The following SCART1 variants were observed in gnomAD, a reference collection of about 807,000 sequenced individuals.
SCART1 encodes scavenger receptor family member expressed on T cells 1.
A neutral mutation model predicts 36.2 loss-of-function variants in SCART1; 62 were observed. The observed-to-expected ratio is 1.71, with a 90% CI of 1.40 to 2.12. The LOEUF (loss-of-function observed/expected upper bound fraction) is 2.12. SCART1 is among the 30% of genes most tolerant of loss of function. SCART1 has a pLI of 0.00. For synonymous variants in SCART1, 487 were observed against 238.7 expected, an observed-to-expected ratio of 2.04 and a Z score of -9.59; for missense variants, 1,041 against 540.5, an observed-to-expected ratio of 1.93 and a Z score of -9.18.
At chr10:133,460,431 G>C (rs1199937615) in intron 6 of SCART1, among the ~76,000 whole-genome samples, 4 of 147,470 alleles carry the variant, frequency 2.7e-5, no homozygotes, top group South Asian at 2.1e-4. Flanking sequence ...ATTTTCCGCC[G>C]TAACCAGCTC....
At chr10:133,459,842 C>G (rs1209146311) in exon 6 of SCART1, 10 of 565,964 alleles carry the variant, frequency 1.8e-5, no homozygotes, top group Non-Finnish European at 3.1e-5. Context: ...CCCGTCGCCA[C>G]GGGATCCCGG....
intron 3 of SCART1, 163 bp from the exon 4 acceptor site, chr10:133,458,197 G>A (rs1383915875): frequency 1.4e-6 from 1 of 700,356 alleles, no homozygotes; most frequent in Non-Finnish European, 2.6e-6. Flanking sequence ...CTGGGTGCCG[G>A]GTGGAAGGGC....
chr10:133,455,119 T>C (rs900139376), intron 1 of SCART1, among the ~76,000 whole-genome samples: 1 of 151,792 alleles, frequency 6.6e-6, no homozygotes, highest in Non-Finnish European at 1.5e-5. Context: ...ATACAAAAAT[T>C]AGCCAGTCGT....
chr10:133,467,320 G>A (rs573865230), exon 11 of SCART1: 36 of 702,836 alleles, frequency 5.1e-5, no homozygotes, highest in Non-Finnish European at 8.6e-5. Flanking sequence ...TGAGGAGGAC[G>A]GAAGTGTGGT....
chr10:133,469,269 T>G (rs2265177), downstream of SCART1: 112,721 of 152,034 alleles, frequency 0.74, 43,719 homozygotes, highest in South Asian at 0.89. Flanking sequence ...CCTTGTAGAT[T>G]CTGGACATTA....
rs1392772088 is a variant in SCART1 at position 133,457,681 on chromosome 10, CT to C, written c.682+107del. ...TGGGCGTTCCCACGGATGGGCCCCC[CT>C]GTCCTGCATGAGACATTGGGCGCAG... On this transcript the variant is annotated intron_variant, in intron 3 of 11. Coordinates refer to ENST00000640237, the Ensembl canonical transcript of SCART1. The C allele has an allele frequency of 1.5e-5, 9 of 589,812 alleles. No individual in the cohort carries two copies. The East Asian group carries it at 1.8e-4, about 12-fold the overall frequency. 36.5% of individuals were successfully genotyped at this position (589,812 alleles called of 1,614,324 possible). A position where few individuals can be genotyped will look rare whatever the true frequency, so the allele number is the denominator to read the frequency against.
chr10:133,460,992 T>C (rs1048069989), intron 6 of SCART1, among the ~76,000 whole-genome samples: 4 of 152,152 alleles, frequency 2.6e-5, no homozygotes, highest in African/African-American at 9.7e-5. Context: ...TGCCTCAGCC[T>C]CCCAAAGTGT....
At chr10:133,466,204 C>A (rs1375282939) in intron 9 of SCART1, 31 bp from the exon 10 acceptor site, 1 of 697,102 alleles carries the variant, frequency 1.4e-6, no homozygotes, top group Non-Finnish European at 2.6e-6. Flanking sequence ...CCCCCCACCA[C>A]CCAGCTGGCT....
chr10:133,463,421 G>A (rs1161954594), intron 6 of SCART1, among the ~76,000 whole-genome samples: 1 of 151,246 alleles, frequency 6.6e-6, no homozygotes, highest in Non-Finnish European at 1.5e-5. Flanking sequence ...ATCCTGCACA[G>A]TTGTGTACCC....
At chr10:133,461,641 G>A (rs1247667663) in intron 6 of SCART1, among the ~76,000 whole-genome samples, 5 of 152,256 alleles carry the variant, frequency 3.3e-5, no homozygotes, top group East Asian at 1.9e-4. Flanking sequence ...GTCCTTTGGT[G>A]TATTATTTCG....
intron 6 of SCART1, among the ~76,000 whole-genome samples, chr10:133,462,177 G>A (rs561583343): frequency 3.3e-4 from 50 of 152,342 alleles, no homozygotes; most frequent in Non-Finnish European, 5.3e-4. Flanking sequence ...CAGGCAGGCC[G>A]TGGAGCCCTG....
chr10:133,469,639 G>A (rs1030056946), downstream of SCART1, among the ~76,000 whole-genome samples: 6 of 152,056 alleles, frequency 3.9e-5, no homozygotes, highest in Non-Finnish European at 8.8e-5. Context: ...AAACACCTAA[G>A]GTAGATGACG....
chr10:133,464,826 T>G (rs1003658538), exon 7 of SCART1: 1 of 702,610 alleles, frequency 1.4e-6, no homozygotes, highest in African/African-American at 1.7e-5. Flanking sequence ...GTGGACAACA[T>G]CGAGTGCCGC....
Position 133,466,220 on chromosome 10 carries a change from C to T in SCART1, c.2660-15C>T. ...CCCCCACCACCCAGCTGGCTCAAGA[C>T]CTCTCCTTTCTCAGAGCCTGGCCCA... On this transcript the variant is annotated splice_polypyrimidine_tract_variant and intron_variant, in intron 9 of 11. Coordinates refer to ENST00000640237, the Ensembl canonical transcript of SCART1. The T allele has an allele frequency of 1.4e-6, 1 of 700,706 alleles. No homozygotes were observed. The highest frequency in any genetic ancestry group is 2.6e-6 in the Non-Finnish European group (1 of 384,050). The allele number at this position is 700,706 out of a possible 1,614,324, so 43.4% of individuals were successfully genotyped here.
chr10:133,454,150 C>T lies in SCART1; in HGVS notation c.67+86C>T, dbSNP rs565567120. 9.7e-4 allele frequency: 677 copies of T among 697,746 alleles called. 6 individuals carry two copies. The African/African-American group carries it at 9.8e-3, about 10-fold the overall frequency. The allele number at this position is 697,746 out of a possible 1,614,324, so 43.2% of individuals were successfully genotyped here. A position where few individuals can be genotyped will look rare whatever the true frequency, so the allele number is the denominator to read the frequency against. ...AGGCCCCGGGGCATGAGGGTCCCTG[C>T]AGTGACCTGCCGTCTGCCTGGGTCT... On this transcript the variant is annotated intron_variant, in intron 1 of 11. Coordinates refer to ENST00000640237, the Ensembl canonical transcript of SCART1.
chr10:133,460,512 T>TATATTTATTTAA (rs1270712278), intron 6 of SCART1, among the ~76,000 whole-genome samples: 1 of 114,158 alleles, frequency 8.8e-6, no homozygotes, highest in African/African-American at 3.6e-5. Context: ...AAAAATATTT[T>TATATTTATTTAA]ATATTTATTT....
chr10:133,460,529 T>TTATTTAAA (rs1391422140), intron 6 of SCART1, among the ~76,000 whole-genome samples: 1 of 140,864 alleles, frequency 7.1e-6, no homozygotes, highest in Non-Finnish European at 1.5e-5. Flanking sequence ...ATTTAAATAT[T>TTATTTAAA]TATTTATTTA....
At chr10:133,454,037 C>T (rs561987515) in exon 1 of SCART1, 168 of 703,020 alleles carry the variant, frequency 2.4e-4, no homozygotes, top group Non-Finnish European at 3.7e-4. Flanking sequence ...CGGGCCCCTT[C>T]TTCTGAATCT....
chr10:133,465,782 C>G (rs928898433), intron 9 of SCART1: 1 of 686,576 alleles, frequency 1.5e-6, no homozygotes, highest in African/African-American at 1.8e-5. Flanking sequence ...TTGGGAATTC[C>G]CTTTTGTTTA....
Sources: allele counts gnomAD v4.1 joint callset (sites outside exome capture counted in the v4.1 genomes callset), GRCh38; gene constraint gnomAD v4.1.1; transcripts MANE v1.5; gene names NCBI Gene and HGNC (gene_info 2026-07-23, HGNC 2026-07-21).